MRPL4: variants seen among roughly 807,000 people sequenced by gnomAD.
MRPL4 encodes the protein large ribosomal subunit protein uL4m.
A neutral mutation model predicts 34.1 loss-of-function variants in MRPL4; 34 were observed. The observed-to-expected ratio is 1.00, with a 90% CI of 0.76 to 1.33. The LOEUF (loss-of-function observed/expected upper bound fraction) is 1.33, where lower values mean the gene tolerates loss of function less well. Among genes scored for constraint, MRPL4 ranks in the 40% most tolerant of loss-of-function variants. The pLI is 0.00. For missense variants in MRPL4, 402 were observed against 434.6 expected (o/e 0.92, Z 0.67); for synonymous variants, 196 against 188.3 (o/e 1.04, Z -0.33).
intron 3 of MRPL4, among the ~76,000 whole-genome samples, chr19:10,253,786 C>T (rs1204938017): frequency 2.6e-5 from 3 of 113,696 alleles, no homozygotes; most frequent in Non-Finnish European, 3.7e-5. Context: ...AGACAGACTC[C>T]ATCTCAAAAA....
chr19:10,256,179 T>C (rs1386951785), intron 4 of MRPL4, among the ~76,000 whole-genome samples: 1 of 151,906 alleles, frequency 6.6e-6, no homozygotes, highest in Non-Finnish European at 1.5e-5. Context: ...CCAGCTACTC[T>C]GGAGGCTGAG....
intron 3 of MRPL4, chr19:10,253,051 A>G (rs960332897): frequency 4.4e-5 from 11 of 252,632 alleles, no homozygotes; most frequent in Admixed American, 9.8e-5. Context: ...AATAAGTTCT[A>G]TAGAAATGTT....
intron 5 of MRPL4, among the ~76,000 whole-genome samples, chr19:10,257,843 G>C (rs182564124): frequency 1.3e-5 from 2 of 151,854 alleles, no homozygotes; most frequent in East Asian, 3.9e-4. Flanking sequence ...AAGGTGGTTT[G>C]TTTTTTTTAT....
At chr19:10,254,154 A>G (rs1027442153) in intron 3 of MRPL4, among the ~76,000 whole-genome samples, 3 of 152,012 alleles carry the variant, frequency 2.0e-5, no homozygotes, top group Non-Finnish European at 4.4e-5. Context: ...GAGTAGCCAG[A>G]ATGACAGACA....
chr19:10,256,854 A>AGGG, intron 5 of MRPL4, 29 bp downstream of exon 5: 1 of 38,598 alleles, frequency 2.6e-5, no homozygotes, highest in South Asian at 4.0e-4. Flanking sequence ...GGGGGCGGGG[A>AGGG]GGGGTGGGGG....
chr19:10,258,967 A>T (rs2039880062), intron 8 of MRPL4: 8 of 1,414,080 alleles, frequency 5.7e-6, no homozygotes, highest in Non-Finnish European at 6.5e-6. Context: ...AGGCGTGGCG[A>T]TGTGCACCTG....
intron 8 of MRPL4, 62 bp downstream of exon 8, chr19:10,258,747 C>T (rs771544573): frequency 2.0e-5 from 32 of 1,613,384 alleles, no homozygotes; most frequent in Non-Finnish European, 2.4e-5. Context: ...AGAATCACAG[C>T]GGTTCAAATC....
intron 7 of MRPL4, 32 bp from the exon 8 acceptor site, chr19:10,258,577 G>T (rs1476349546): frequency 3.1e-6 from 5 of 1,614,034 alleles, no homozygotes; most frequent in Non-Finnish European, 4.2e-6. Context: ...TACTCTGAGG[G>T]TTCAACCCCC....
At chr19:10,254,863 G>A (rs2039834030) in intron 4 of MRPL4, 3 of 371,716 alleles carry the variant, frequency 8.1e-6, no homozygotes, top group African/African-American at 2.1e-5. Context: ...GGAGTGCAGT[G>A]GCGCAATCTT....
Position 10,252,693 on chromosome 19 carries a change from C to A in MRPL4, c.267C>A (p.Thr89=), listed in dbSNP as rs980169182. ...LADLHPDVFA[T]APRLDILHQV... ...ACCTGCACCCCGATGTTTTCGCCAC[C>A]GCGCCCAGGTGAGCGAGGGCTGTAA... The change falls in exon 3 of 9, where the codon ACC becomes ACA. Residue 89 remains threonine (T), a synonymous_variant. Transcript: ENST00000253099. 6.2e-7 allele frequency: 1 copy of A among 1,602,498 alleles called. No homozygotes were observed.
chr19:10,259,411 A>G (rs2039887488), intron 8 of MRPL4: 1 of 1,407,576 alleles, frequency 7.1e-7, no homozygotes, highest in African/African-American at 1.5e-5. Context: ...TCAGCAGGTG[A>G]TGAGCTGGGA....
In MRPL4 at chr19:10,259,838, G is replaced by GC; in HGVS notation, c.*27dup. ...ATGTGAAGCACCTCTTCTGAGCCAG[G>GC]CCGAGCCCCTGGCCGACTTGGGAGC... On this transcript the variant is annotated 3_prime_UTR_variant, in exon 9 of 9. Coordinates refer to ENST00000253099, the MANE Select transcript of MRPL4 (RefSeq NM_015956.3). The GC allele has an allele frequency of 6.3e-7, 1 of 1,578,056 alleles. No individual in the cohort carries two copies. Among genetic ancestry groups the GC allele is most frequent in the Non-Finnish European group, 8.6e-7 (1 of 1,156,422 alleles).
intron 3 of MRPL4, among the ~76,000 whole-genome samples, chr19:10,253,984 GA>G (rs2039824571): frequency 6.6e-6 from 1 of 152,008 alleles, no homozygotes; most frequent in Non-Finnish European, 1.5e-5. Context: ...GTAATAGCAG[GA>G]AAAAAGTAAT....
intron 4 of MRPL4, 35 bp from the exon 5 acceptor site, chr19:10,256,673 C>T (rs746502390): frequency 8.8e-6 from 14 of 1,588,752 alleles, no homozygotes; most frequent in African/African-American, 5.4e-5. Context: ...ACACCTGCCT[C>T]GTGGACCTGA....
At position 10,259,684 on chromosome 19, in the gene MRPL4, G is replaced by C. The variant is rs767151772; in HGVS notation, c.807G>C (p.Leu269=). ...LVLTLPTVAF[L]EDKLLWQDSR... ...TGACGCTGCCCACCGTCGCCTTCCTGGAGGACAAGCTGCTCTGGCAGGACT... is the reference window on the plus strand; with the variant it reads ...TGACGCTGCCCACCGTCGCCTTCCTCGAGGACAAGCTGCTCTGGCAGGACT... The change falls in exon 9 of 9, where the codon CTG becomes CTC. Residue 269 remains leucine (L), a synonymous_variant. Transcript: ENST00000253099. 6 of 1,609,104 alleles carry C rather than the reference G, an allele frequency of 3.7e-6. No homozygotes were observed. The highest frequency in any genetic ancestry group is 5.1e-6 in the Non-Finnish European group (6 of 1,179,392).
chr19:10,255,487 A>T (rs527625814), intron 4 of MRPL4: 1 of 152,848 alleles, frequency 6.5e-6, no homozygotes, highest in South Asian at 2.1e-4. Flanking sequence ...AACCAGATCA[A>T]GGAGGCAGTG....
chr19:10,257,361 T>G (rs2039861907), intron 5 of MRPL4, among the ~76,000 whole-genome samples: 1 of 152,162 alleles, frequency 6.6e-6, no homozygotes, highest in Non-Finnish European at 1.5e-5. Context: ...CTCAGGGTGG[T>G]GCCAGCCACC....
At position 10,258,658 on chromosome 19, in the gene MRPL4, A is replaced by C; in HGVS notation, c.712A>C (p.Lys238Gln). 1 of 1,614,178 alleles carries C rather than the reference A, an allele frequency of 6.2e-7. No individual in the cohort carries two copies. Among genetic ancestry groups the C allele is most frequent in the Non-Finnish European group, 8.5e-7 (1 of 1,180,040 alleles). ...CATCGTGGAGGCCACCTCTAGGCTT[A>C]AGACCTTCAACTTGATCCCGGCTGT... is the stretch of plus-strand genomic sequence containing the variant. ...QSIVEATSRL[K>Q]TFNLIPAVGL... The change falls in exon 8 of 9, where the codon AAG becomes CAG. Residue 238 changes from lysine to glutamine, a missense_variant. Physicochemically the swap from Lys to Gln is moderately conservative, Grantham distance 53. Transcript: ENST00000253099.
Position 10,259,929 on chromosome 19 carries a change from G to A in MRPL4, c.*116G>A. 1 of 956,148 alleles carries A rather than the reference G, an allele frequency of 1.0e-6. No homozygotes were observed. Among genetic ancestry groups the A allele is most frequent in the Non-Finnish European group, 1.5e-6 (1 of 667,988 alleles). 59.2% of individuals were successfully genotyped at this position (956,148 alleles called of 1,614,324 possible). On this transcript the variant is annotated 3_prime_UTR_variant, in exon 9 of 9. Coordinates refer to ENST00000253099, the MANE Select transcript of MRPL4 (RefSeq NM_015956.3). ...ACCCCTTCATTCCACGGAGGAAGCT[G>A]AGGCCACAGGGAGCGGCCATCGCCA... is the stretch of plus-strand genomic sequence containing the variant.
Sources: allele counts gnomAD v4.1 joint callset (sites outside exome capture counted in the v4.1 genomes callset), GRCh38; gene constraint gnomAD v4.1.1; transcripts MANE v1.5; gene names NCBI Gene and HGNC (gene_info 2026-07-23, HGNC 2026-07-21).